ADAM28: variants seen among roughly 807,000 people sequenced by gnomAD.
ADAM28 encodes ADAM metallopeptidase domain 28.
In ADAM28, 105 loss-of-function variants were observed where a neutral mutation model predicts 101.2. That is an observed-to-expected ratio of 1.04 (90% confidence interval 0.89 to 1.22). The LOEUF is 1.22. Ranked by LOEUF, ADAM28 falls within the 50% of genes most tolerant of loss-of-function variation. The pLI is 0.00. For missense variants in ADAM28, 1,028 were observed against 945.4 expected (o/e 1.09, Z -1.15); for synonymous variants, 322 against 310.6 (o/e 1.04, Z -0.39).
At chr8:24,347,627 C>A (rs1400709078) in intron 18 of ADAM28, among the ~76,000 whole-genome samples, 1 of 152,058 alleles carries the variant, frequency 6.6e-6, no homozygotes, top group Non-Finnish European at 1.5e-5. Flanking sequence ...AAAATACCCC[C>A]CACTGTAATT....
chr8:24,304,574 T>C (rs968428865), intron 2 of ADAM28, among the ~76,000 whole-genome samples: 1 of 152,102 alleles, frequency 6.6e-6, no homozygotes, highest in African/African-American at 2.4e-5. Flanking sequence ...CTATTCAAGA[T>C]TATGCTATGG....
chr8:24,324,513 G>A (rs932799919), intron 9 of ADAM28, among the ~76,000 whole-genome samples: 1 of 151,944 alleles, frequency 6.6e-6, no homozygotes, highest in Non-Finnish European at 1.5e-5. Flanking sequence ...ATAATATTTA[G>A]TTGAAATCAG....
At chr8:24,313,706 T>A in intron 6 of ADAM28, 126 bp downstream of exon 6, 3 of 911,200 alleles carry the variant, frequency 3.3e-6, no homozygotes, top group Non-Finnish European at 3.2e-6. Context: ...CACTAATCCT[T>A]AAATATTGCT....
chr8:24,331,066 G>A, intron 11 of ADAM28, 84 bp from the exon 12 acceptor site: 2 of 1,335,926 alleles, frequency 1.5e-6, no homozygotes, highest in South Asian at 1.6e-5. Flanking sequence ...GCAGGCCGTG[G>A]GTGTAATTGT....
At chr8:24,349,500 T>C (rs1815810507) in intron 18 of ADAM28, among the ~76,000 whole-genome samples, 1 of 152,216 alleles carries the variant, frequency 6.6e-6, no homozygotes, top group African/African-American at 2.4e-5. Flanking sequence ...TTCTCTGTTT[T>C]ATTCCAAGAC....
intron 14 of ADAM28, chr8:24,336,206 C>T: frequency 1.1e-6 from 1 of 949,178 alleles, no homozygotes; most frequent in Non-Finnish European, 1.3e-6. Flanking sequence ...TTTTAGAGAC[C>T]ATATTCTCTA....
chr8:24,332,527 A>T (rs1451140456), intron 12 of ADAM28, 133 bp from the exon 13 acceptor site: 2 of 416,774 alleles, frequency 4.8e-6, no homozygotes, highest in Non-Finnish European at 8.5e-6. Context: ...AATTTTTTTT[A>T]TATTTTTTGA....
intron 1 of ADAM28, chr8:24,296,162 A>G (rs1470742675): frequency 6.6e-6 from 1 of 152,252 alleles, no homozygotes; most frequent in Non-Finnish European, 1.5e-5. Flanking sequence ...ACCTTATTAC[A>G]GCAGAATACT....
chr8:24,303,791 A>G (rs1809163469), intron 2 of ADAM28, among the ~76,000 whole-genome samples: 2 of 151,994 alleles, frequency 1.3e-5, no homozygotes. Context: ...ATGTTTTTCC[A>G]TTTGTTTGTG....
Position 24,341,722 on chromosome 8 carries a change from A to T in ADAM28, c.1795A>T (p.Met599Leu), listed in dbSNP as rs760261566. Reference sequence around the variant, plus strand: ...TGAAGACACAAGTCAAGAAATAGGCATGGTGGCCAATGGAACTAAGTGTGG... The same window carrying T: ...TGAAGACACAAGTCAAGAAATAGGCTTGGTGGCCAATGGAACTAAGTGTGG... ...DPEDTSQEIGMVANGTKCGDN... is the reference protein window; with the variant it reads ...DPEDTSQEIGLVANGTKCGDN... The change falls in exon 16 of 23, where the codon ATG (methionine) becomes TTG (leucine). Residue 599 changes from methionine to leucine, a missense_variant. Physicochemically the swap from Met to Leu is conservative, Grantham distance 15. Transcript: ENST00000265769. 11 of 1,613,782 alleles carry T rather than the reference A, an allele frequency of 6.8e-6. No individual in the cohort carries two copies. In the South Asian group the frequency reaches 1.1e-4, roughly 16 times the overall value.
chr8:24,329,198 G>T (rs909795550), intron 10 of ADAM28, among the ~76,000 whole-genome samples: 2 of 152,032 alleles, frequency 1.3e-5, no homozygotes, highest in African/African-American at 4.8e-5. Flanking sequence ...AGTGTGTCTA[G>T]GTATCAACTT....
At position 24,306,006 on chromosome 8, in the gene ADAM28, G is replaced by A. The variant is rs114956792; in HGVS notation, c.151-3888G>A. Among the ~76,000 whole-genome samples, 704 of 152,142 alleles carry A rather than the reference G, an allele frequency of 4.6e-3. 6 individuals carry two copies. The highest frequency in any genetic ancestry group is 0.016 in the African/African-American group (670 of 41,492). The stretch of plus-strand genomic sequence containing the variant: ...GGAGATATCAAAAACCGCATGACAG[G>A]GTTGCCAGATGAAATACAGAGTACC... On this transcript the variant is annotated intron_variant, in intron 2 of 22. Transcript: ENST00000265769.
chr8:24,297,737 T>A (rs1808165837), intron 1 of ADAM28, among the ~76,000 whole-genome samples: 1 of 152,238 alleles, frequency 6.6e-6, no homozygotes, highest in Non-Finnish European at 1.5e-5. Flanking sequence ...TATCATCAGT[T>A]AATTTCTGGC....
At chr8:24,309,601 TTTCAAAACCAAGCAGTATC>T (rs1810168944) in intron 2 of ADAM28, among the ~76,000 whole-genome samples, 1 of 152,144 alleles carries the variant, frequency 6.6e-6, no homozygotes. Context: ...AGAGTAGAAT[TTTCAAAACCAAGCAGTATC>T]TTGCAAAGAA....
Position 24,351,220 on chromosome 8 carries a change from TC to T in ADAM28, c.2100-11del, listed in dbSNP as rs764162444. ...GCTAAGTCAATTGATATCATGTGTT[TC>T]TCTCTTACAGGCCACTATCTACCAC... On this transcript the variant is annotated splice_polypyrimidine_tract_variant and intron_variant, in intron 19 of 22. Coordinates refer to ENST00000265769, the MANE Select transcript of ADAM28 (RefSeq NM_014265.6). 3 of 1,552,030 alleles carry T rather than the reference TC, an allele frequency of 1.9e-6. No individual in the cohort carries two copies. The highest frequency in any genetic ancestry group is 2.6e-6 in the Non-Finnish European group (3 of 1,152,282).
intron 14 of ADAM28, among the ~76,000 whole-genome samples, chr8:24,338,756 G>C (rs1445038861): frequency 1.3e-5 from 2 of 152,154 alleles, no homozygotes; most frequent in Non-Finnish European, 2.9e-5. Flanking sequence ...TTCTTGAAGA[G>C]AGGGTACCTC....
intron 6 of ADAM28, among the ~76,000 whole-genome samples, chr8:24,318,468 T>C (rs565752504): frequency 6.6e-6 from 1 of 152,062 alleles, no homozygotes; most frequent in African/African-American, 2.4e-5. Context: ...AAATAGGAAC[T>C]GTGCACTAAT....
At chr8:24,320,985 T>C (rs1196441768) in intron 7 of ADAM28, among the ~76,000 whole-genome samples, 1 of 151,958 alleles carries the variant, frequency 6.6e-6, no homozygotes, top group Non-Finnish European at 1.5e-5. Flanking sequence ...AGTAATTCTT[T>C]AGAGCTTTAT....
chr8:24,306,897 C>T (rs1245925654), intron 2 of ADAM28, among the ~76,000 whole-genome samples: 1 of 152,108 alleles, frequency 6.6e-6, no homozygotes, highest in African/African-American at 2.4e-5. Flanking sequence ...TCACTCCTGC[C>T]CTGTTAGGGT....
Sources: gnomAD v4.1 joint callset for allele counts (sites outside exome capture counted in the v4.1 genomes callset) on GRCh38, gnomAD v4.1.1 for gene constraint, MANE v1.5 for transcripts, NCBI Gene and HGNC (gene_info 2026-07-23, HGNC 2026-07-21) for gene names.